ABCB4: variants seen among roughly 807,000 people sequenced by gnomAD.
The protein encoded by ABCB4 is phosphatidylcholine translocator ABCB4.
A neutral mutation model predicts 145.7 loss-of-function variants in ABCB4; 76 were observed. The observed-to-expected ratio is 0.52, with a 90% CI of 0.43 to 0.63. The LOEUF is 0.63. Among genes scored for constraint, ABCB4 ranks in the 30% least tolerant of loss-of-function variants. ABCB4 has a pLI of 0.00. For synonymous variants in ABCB4, 517 were observed against 566.8 expected, an observed-to-expected ratio of 0.91 and a Z score of 1.25; for missense variants, 1,234 against 1,553.1, an observed-to-expected ratio of 0.79 and a Z score of 3.45.
intron 3 of ABCB4, among the ~76,000 whole-genome samples, chr7:87,463,548 G>T (rs778432310): frequency 3.9e-5 from 6 of 152,222 alleles, no homozygotes; most frequent in Admixed American, 2.0e-4. Flanking sequence ...TGAAGGGTAA[G>T]AGGGAGTTCG....
chr7:87,454,737 T>C lies in ABCB4; in HGVS notation c.287-145A>G, dbSNP rs1345690307. The C allele has an allele frequency of 5.9e-6, 4 of 676,456 alleles. No homozygotes were observed. The African/African-American group carries it at 7.3e-5, about 12-fold the overall frequency. The allele number at this position is 676,456 out of a possible 1,614,324, so 41.9% of individuals were successfully genotyped here. A position where few individuals can be genotyped will look rare whatever the true frequency, so the allele number is the denominator to read the frequency against. On this transcript the variant is annotated intron_variant, in intron 4 of 27. Transcript: ENST00000649586. ...TTTCTCTTTAAAAAACACTTTTCTT[T>C]GCACACTTAAGTGCATTCTTTTCAC...
Position 87,417,493 on chromosome 7 carries a change from A to G in ABCB4, c.2501T>C (p.Leu834Ser). The G allele has an allele frequency of 6.2e-7, 1 of 1,614,190 alleles. No individual in the cohort carries two copies. Among genetic ancestry groups the G allele is most frequent in the East Asian group, 2.2e-5 (1 of 44,864 alleles). Residue 834 changes from leucine (L) to serine (S), a missense_variant, in exon 21 of 28, where the codon TTA becomes TCA. Leu to Ser is a moderately radical substitution (Grantham distance 145). Around this residue, in one of 7 missense-constraint regions of ABCB4, gnomAD observed 321 missense variants for 332.6 expected, o/e 0.97. Transcript: ENST00000649586. ...AAGGTTAGCTATATTCTGTGCAATT[A>G]AAGCCAACCTGGTTCCTGTGGCCTG... ...VQGATGTRLA[L>S]IAQNIANLGT...
the ABCB4 span, among the ~76,000 whole-genome samples, chr7:87,368,799 AAC>A: frequency 6.6e-6 from 1 of 152,230 alleles, no homozygotes; most frequent in Non-Finnish European, 1.5e-5. Context: ...ACAGCAAACA[AAC>A]AGTTCTTGGG....
intron 9 of ABCB4, among the ~76,000 whole-genome samples, chr7:87,446,188 T>C (rs921491728): frequency 1.3e-5 from 2 of 152,182 alleles, no homozygotes; most frequent in African/African-American, 2.4e-5. Flanking sequence ...TCTGAAAATA[T>C]TCACTTTCAT....
intron 26 of ABCB4, 178 bp from the exon 27 acceptor site, chr7:87,403,459 T>C: frequency 1.6e-6 from 1 of 613,974 alleles, no homozygotes; most frequent in Non-Finnish European, 2.9e-6. Context: ...CTCAATGGTA[T>C]TCTACAATAG....
In ABCB4 at chr7:87,409,376, CAA is replaced by C; in HGVS notation, c.2939_2940del (p.Ile980SerfsTer19). On this transcript the variant is annotated frameshift_variant, in exon 24 of 28. Coordinates refer to ENST00000649586, the MANE Select transcript of ABCB4 (RefSeq NM_000443.4). LOFTEE classifies it high-confidence loss of function. ...TGTCCTAGAGCCACTGCACCAAATA[CAA>C]TTGCAGAAAACACCCTAGACAGAAG... ...FRDVILVFSA[I>X]VFGAVALGHA... is the part of the protein sequence containing the mutation. 3.1e-6 allele frequency: 5 copies of C among 1,614,000 alleles called. No homozygotes were observed. The highest frequency in any genetic ancestry group is 4.2e-6 in the Non-Finnish European group (5 of 1,179,916).
intron 26 of ABCB4, 48 bp from the exon 27 acceptor site, chr7:87,403,329 C>G: frequency 6.5e-7 from 1 of 1,526,940 alleles, no homozygotes; most frequent in South Asian, 1.1e-5. Context: ...TGTTGCTTAA[C>G]AGTTGACAGT....
chr7:87,418,976 T>A (rs1809204117), intron 19 of ABCB4, among the ~76,000 whole-genome samples: 1 of 152,182 alleles, frequency 6.6e-6, no homozygotes, highest in Non-Finnish European at 1.5e-5. Flanking sequence ...TTGTCTCTCA[T>A]AAAGGGTGGT....
At chr7:87,398,644 G>C, downstream of ABCB4, 1 of 1,612,506 alleles carries the variant, frequency 6.2e-7, no homozygotes, top group Non-Finnish European at 8.5e-7. Context: ...CTCATCTTTA[G>C]AGATGAATCA....
rs143695953 is a variant in ABCB4, at chr7:87,433,089, C to T, written c.1732-1524G>A. 1.7e-4 allele frequency among the ~76,000 whole-genome samples: 26 copies of T among 152,156 alleles called. 2 individuals carry two copies. The East Asian group carries it at 5.0e-3, about 29-fold the overall frequency. On this transcript the variant is annotated intron_variant, in intron 14 of 27. Transcript: ENST00000649586. ...CATAAACCATCTAAGAATTTAATTACAATAAATATGGTACTACCTATTGGT... is the reference window on the plus strand; with the variant it reads ...CATAAACCATCTAAGAATTTAATTATAATAAATATGGTACTACCTATTGGT...
chr7:87,426,034 A>C (rs188833924), intron 16 of ABCB4, among the ~76,000 whole-genome samples: 4 of 152,172 alleles, frequency 2.6e-5, no homozygotes, highest in African/African-American at 9.7e-5. Context: ...AGCAAAAAAA[A>C]AAAATTGAAT....
chr7:87,412,842 C>T (rs765920550), intron 22 of ABCB4, among the ~76,000 whole-genome samples: 4 of 152,166 alleles, frequency 2.6e-5, no homozygotes, highest in African/African-American at 4.8e-5. Context: ...AAGTTAAAAA[C>T]AGGTCATCAT....
chr7:87,404,226 C>G (rs1009750875), intron 26 of ABCB4, among the ~76,000 whole-genome samples: 1 of 151,992 alleles, frequency 6.6e-6, no homozygotes, highest in African/African-American at 2.4e-5. Context: ...AAAATAAAAG[C>G]AAAAATAATT....
chr7:87,405,624 A>C (rs1234378130), intron 26 of ABCB4, among the ~76,000 whole-genome samples: 1 of 151,994 alleles, frequency 6.6e-6, no homozygotes, highest in African/African-American at 2.4e-5. Flanking sequence ...ACAGGGTTTC[A>C]CCATGTTGGC....
chr7:87,396,098 A>G, the ABCB4 span, among the ~76,000 whole-genome samples: 1 of 152,270 alleles, frequency 6.6e-6, no homozygotes, highest in East Asian at 1.9e-4. Context: ...GAGATTGTCG[A>G]TATGGCAAAA....
chr7:87,430,765 G>T (rs562231129), intron 15 of ABCB4, among the ~76,000 whole-genome samples: 22 of 152,256 alleles, frequency 1.4e-4, no homozygotes, highest in African/African-American at 5.3e-4. Context: ...GACCTCAGGT[G>T]ATCTGCCCAC....
At chr7:87,381,316 C>A in the ABCB4 span, among the ~76,000 whole-genome samples, 2 of 152,180 alleles carry the variant, frequency 1.3e-5, no homozygotes, top group South Asian at 2.1e-4. Context: ...ACTGCAATTT[C>A]TTTCTCTAAA....
At chr7:87,454,633 C>G in intron 4 of ABCB4, 41 bp from the exon 5 acceptor site, 1 of 1,428,632 alleles carries the variant, frequency 7.0e-7, no homozygotes, top group Non-Finnish European at 9.8e-7. Context: ...AAAGATCAAA[C>G]TATTAATAGG....
At chr7:87,385,575 C>T in the ABCB4 span, among the ~76,000 whole-genome samples, 2 of 152,080 alleles carry the variant, frequency 1.3e-5, no homozygotes, top group Non-Finnish European at 2.9e-5. Flanking sequence ...GTTTATCACT[C>T]TAATGGCTGT....
Sources: allele counts gnomAD v4.1 joint callset (sites outside exome capture counted in the v4.1 genomes callset), GRCh38; gene constraint gnomAD v4.1.1; regional missense constraint gnomAD v4.1.1; transcripts MANE v1.5; gene names NCBI Gene and HGNC (gene_info 2026-07-23, HGNC 2026-07-21).